Variants in SPIRE2 observed in about 807,000 individuals in gnomAD.
The protein encoded by SPIRE2 is spire type actin nucleation factor 2.
Under a neutral mutation model 80.7 loss-of-function variants are expected in SPIRE2, and 76 were observed. The observed-to-expected ratio is 0.94, with a 90% CI of 0.78 to 1.14. The LOEUF (loss-of-function observed/expected upper bound fraction) is 1.14. SPIRE2 is among the 50% of genes most tolerant of loss of function. SPIRE2 has a pLI of 0.00. For synonymous variants in SPIRE2, 535 were observed against 432.6 expected (o/e 1.24, Z -2.94); for missense variants, 1,196 against 1,015.3 (o/e 1.18, Z -2.42).
intron 1 of SPIRE2, among the ~76,000 whole-genome samples, chr16:89,837,704 C>T (rs1227234305): frequency 6.6e-6 from 1 of 151,892 alleles, no homozygotes; most frequent in African/African-American, 2.4e-5. Context: ...ACGCACCTCC[C>T]GGACTCGGGT....
Position 89,859,201 on chromosome 16 carries a change from C to T in SPIRE2, c.1309C>T (p.Arg437Trp), listed in dbSNP as rs370409614. The T allele has an allele frequency of 6.8e-5, 109 of 1,597,770 alleles. No individual in the cohort carries two copies. Among genetic ancestry groups the T allele is most frequent in the Non-Finnish European group, 9.0e-5 (106 of 1,171,486 alleles). The change falls in exon 9 of 15, where the codon CGG becomes TGG. Residue 437 changes from arginine to tryptophan, a missense_variant. Coordinates refer to ENST00000378247, the MANE Select transcript of SPIRE2 (RefSeq NM_032451.2). ...ESPCGEVTLKRDRSFSEHDLA... is the reference protein window; with the variant it reads ...ESPCGEVTLKWDRSFSEHDLA... The stretch of plus-strand genomic sequence containing the variant: ...TCCGTGTGGGGAGGTGACGCTGAAA[C>T]GGGACCGCTCCTTCTCAGAGCATGA...
At chr16:89,854,962 G>A (rs191264052) in intron 5 of SPIRE2, among the ~76,000 whole-genome samples, 6 of 151,544 alleles carry the variant, frequency 4.0e-5, no homozygotes, top group East Asian at 3.9e-4. Flanking sequence ...TTTTTGAGAC[G>A]GAGTCTCGCT....
chr16:89,840,173 C>T lies in SPIRE2; in HGVS notation c.245-5149C>T, dbSNP rs145653684. 2.8e-3 allele frequency among the ~76,000 whole-genome samples: 429 copies of T among 152,068 alleles called. 2 individuals carry two copies. The highest frequency in any genetic ancestry group is 9.9e-3 in the African/African-American group (411 of 41,514). Reference sequence around the variant, plus strand: ...CCCTGCAGTGTGGGACGACCTTCCTCTTGAAGCTGCTGGAGGAGCTGCAGG... The same window carrying T: ...CCCTGCAGTGTGGGACGACCTTCCTTTTGAAGCTGCTGGAGGAGCTGCAGG... On this transcript the variant is annotated intron_variant, in intron 1 of 14. Transcript: ENST00000378247.
chr16:89,835,116 G>A (rs1369380624), intron 1 of SPIRE2, among the ~76,000 whole-genome samples: 1 of 151,078 alleles, frequency 6.6e-6, no homozygotes, highest in Non-Finnish European at 1.5e-5. Flanking sequence ...GATAAGCATA[G>A]CCCGTGTGAA....
At chr16:89,839,373 CAA>C (rs537824236) in intron 1 of SPIRE2, among the ~76,000 whole-genome samples, 5 of 123,546 alleles carry the variant, frequency 4.0e-5, no homozygotes, top group Admixed American at 1.7e-4. Context: ...GACTCCATCT[CAA>C]AAAAAAAAAA....
At chr16:89,856,913 A>C (rs922826867) in intron 7 of SPIRE2, among the ~76,000 whole-genome samples, 3 of 151,744 alleles carry the variant, frequency 2.0e-5, no homozygotes, top group African/African-American at 7.2e-5. Context: ...ATTTCAAAGA[A>C]AAATTAGCCA....
At chr16:89,859,400 G>A (rs377189428) in intron 9 of SPIRE2, 46 bp downstream of exon 9, 5 of 1,253,276 alleles carry the variant, frequency 4.0e-6, no homozygotes, top group African/African-American at 3.2e-5. Flanking sequence ...CCCCCACCCC[G>A]ATCCATCCTG....
At position 89,850,539 on chromosome 16, in the gene SPIRE2, G is replaced by A. The variant is rs746250076; in HGVS notation, c.524G>A (p.Cys175Tyr). The change falls in exon 3 of 15, where the codon TGC becomes TAC. Residue 175 changes from cysteine to tyrosine, a missense_variant. By Grantham distance (194) the Cys-to-Tyr change is radical. Coordinates refer to ENST00000378247, the MANE Select transcript of SPIRE2 (RefSeq NM_032451.2). Reference protein sequence around the residue: ...VRTFAQAMRLCAARLTDPRGA... With the variant: ...VRTFAQAMRLYAARLTDPRGA... Reference sequence around the variant, plus strand: ...ACCTTTGCCCAGGCCATGCGGCTGTGCGCGGCGCGGCTGACCGACCCCCGG... The same window carrying A: ...ACCTTTGCCCAGGCCATGCGGCTGTACGCGGCGCGGCTGACCGACCCCCGG... 122 of 1,513,006 alleles carry A rather than the reference G, an allele frequency of 8.1e-5. No homozygotes were observed. Among genetic ancestry groups the A allele is most frequent in the Non-Finnish European group, 9.9e-5 (112 of 1,135,488 alleles). 93.7% of individuals were successfully genotyped at this position (1,513,006 alleles called of 1,614,324 possible). A position where few individuals can be genotyped will look rare whatever the true frequency, so the allele number is the denominator to read the frequency against.
Position 89,870,315 on chromosome 16 carries a change from C to T in SPIRE2, c.*43C>T. On this transcript the variant is annotated 3_prime_UTR_variant, in exon 15 of 15. Transcript: ENST00000378247. Reference sequence around the variant, plus strand: ...GCCTCCAGGAGGCACCAGGCAGGCCCTGTATCAGGCTAGGACGCTCTGAGC... The same window carrying T: ...GCCTCCAGGAGGCACCAGGCAGGCCTTGTATCAGGCTAGGACGCTCTGAGC... 7.5e-7 allele frequency: 1 copy of T among 1,326,868 alleles called. No individual in the cohort carries two copies. The highest frequency in any genetic ancestry group is 1.1e-6 in the Non-Finnish European group (1 of 944,150). The allele number at this position is 1,326,868 out of a possible 1,614,324, so 82.2% of individuals were successfully genotyped here. A position where few individuals can be genotyped will look rare whatever the true frequency, so the allele number is the denominator to read the frequency against.
intron 1 of SPIRE2, among the ~76,000 whole-genome samples, chr16:89,840,858 C>T (rs1297942885): frequency 6.6e-6 from 1 of 151,614 alleles, no homozygotes; most frequent in African/African-American, 2.4e-5. Flanking sequence ...AGGATGGTCT[C>T]GATCTCCTGA....
At chr16:89,861,832 C>T (rs937223824) in intron 10 of SPIRE2, 15 of 152,202 alleles carry the variant, frequency 9.9e-5, no homozygotes, top group African/African-American at 3.6e-4. Flanking sequence ...TGGGGATCCC[C>T]ACAGCGTGGT....
At chr16:89,839,449 T>A (rs34043061) in intron 1 of SPIRE2, among the ~76,000 whole-genome samples, 1,730 of 149,022 alleles carry the variant, frequency 0.012, 30 homozygotes, top group South Asian at 0.095. Context: ...GTGTTGGCAG[T>A]GGGTGGGGGG....
intron 7 of SPIRE2, 71 bp from the exon 8 acceptor site, chr16:89,858,267 C>T (rs2041710538): frequency 7.0e-7 from 1 of 1,433,100 alleles, no homozygotes; most frequent in African/African-American, 1.4e-5. Context: ...CTGGTGCACA[C>T]AAAGCTGTCA....
In SPIRE2 at chr16:89,828,791, G is replaced by A; in HGVS notation, c.241G>A (p.Ala81Thr). 8.5e-7 allele frequency: 1 copy of A among 1,181,752 alleles called. No individual in the cohort carries two copies. The highest frequency in any genetic ancestry group is 1.0e-6 in the Non-Finnish European group (1 of 955,744). 73.2% of individuals were successfully genotyped at this position (1,181,752 alleles called of 1,614,324 possible). Residue 81 changes from alanine (A) to threonine (T), a missense_variant, in exon 1 of 15, where the codon GCG (alanine) becomes ACG (threonine). Ala to Thr is a moderately conservative substitution (Grantham distance 58). Coordinates refer to ENST00000378247, the MANE Select transcript of SPIRE2 (RefSeq NM_032451.2). This position sits in a 1 kb window ranked among gnomAD's most constrained non-coding sequence, Gnocchi z 5.9. ...GGTCGGGGCGCGGGAGCCCGAGGCC[G>A]CGGGTGAGGCCGGGGGCGGGGCAGC... ...GSVGAREPEA[A>T]EPATMVVPLA...
intron 2 of SPIRE2, among the ~76,000 whole-genome samples, chr16:89,847,755 G>C (rs1254752318): frequency 1.3e-5 from 2 of 152,238 alleles, no homozygotes; most frequent in African/African-American, 4.8e-5. Context: ...CCTGAGACTG[G>C]CTGCCTGCCC....
chr16:89,845,991 G>C (rs11076639), intron 2 of SPIRE2: 86,399 of 209,064 alleles, frequency 0.41, 19,585 homozygotes, highest in East Asian at 0.79. Context: ...CCGCCTCCCG[G>C]GTTCACACCT....
chr16:89,854,761 A>C lies in SPIRE2; in HGVS notation c.891+110A>C, dbSNP rs755335807. On this transcript the variant is annotated intron_variant, in intron 5 of 14. Coordinates refer to ENST00000378247, the MANE Select transcript of SPIRE2 (RefSeq NM_032451.2). The stretch of plus-strand genomic sequence containing the variant: ...GGCAGCCCACCCCAGAGAGCGGCCC[A>C]GGGTCCCTGCTCTCTGTGCTGGGTA... 7.4e-5 allele frequency: 93 copies of C among 1,260,508 alleles called. 1 individual carries two copies. Among genetic ancestry groups the C allele is most frequent in the Non-Finnish European group, 1.0e-4 (93 of 898,622 alleles). 78.1% of individuals were successfully genotyped at this position (1,260,508 alleles called of 1,614,324 possible).
intron 7 of SPIRE2, among the ~76,000 whole-genome samples, chr16:89,857,511 T>A (rs1005396174): frequency 2.6e-5 from 4 of 152,148 alleles, no homozygotes; most frequent in Non-Finnish European, 5.9e-5. Flanking sequence ...TAGTATGACA[T>A]ATTTCAGCAT....
At chr16:89,867,976 G>C (rs1338866002) in intron 12 of SPIRE2, among the ~76,000 whole-genome samples, 2 of 152,214 alleles carry the variant, frequency 1.3e-5, no homozygotes, top group African/African-American at 4.8e-5. Flanking sequence ...TCCTTCCTGA[G>C]AGAATGCCAA....
Sources: allele counts gnomAD v4.1 joint callset (sites outside exome capture counted in the v4.1 genomes callset), GRCh38; gene constraint gnomAD v4.1.1; non-coding constraint Gnocchi (gnomAD v3.1); transcripts MANE v1.5; gene names NCBI Gene and HGNC (gene_info 2026-07-23, HGNC 2026-07-21).